PAX7: variants seen among roughly 807,000 people sequenced by gnomAD.
PAX7 encodes the protein paired box protein Pax-7.
A neutral mutation model predicts 50.7 loss-of-function variants in PAX7; 18 were observed. The ratio of observed to expected loss-of-function variants is 0.36; its 90% confidence interval spans 0.25 to 0.53. The LOEUF (loss-of-function observed/expected upper bound fraction) is 0.53. PAX7 is among the 20% of genes least tolerant of loss of function. The pLI is 0.93. For synonymous variants in PAX7, 310 were observed against 290.4 expected, an observed-to-expected ratio of 1.07 and a Z score of -0.69; for missense variants, 644 against 702.9, an observed-to-expected ratio of 0.92 and a Z score of 0.95.
At chr1:18,701,745 C>T (rs746070994) in intron 6 of PAX7, among the ~76,000 whole-genome samples, 6 of 152,146 alleles carry the variant, frequency 3.9e-5, no homozygotes, top group Non-Finnish European at 8.8e-5. Flanking sequence ...GGTCAGAGCC[C>T]TCAGGTCCTC....
chr1:18,747,693 A>T lies in PAX7; in HGVS notation c.*2764A>T, dbSNP rs562364193. 1 of 205,316 alleles carries T rather than the reference A, an allele frequency of 4.9e-6. No homozygotes were observed. Among genetic ancestry groups the T allele is most frequent in the African/African-American group, 2.3e-5 (1 of 43,810 alleles). The allele number at this position is 205,316 out of a possible 1,614,324, so 12.7% of individuals were successfully genotyped here. A position where few individuals can be genotyped will look rare whatever the true frequency, so the allele number is the denominator to read the frequency against. On this transcript the variant is annotated 3_prime_UTR_variant, in exon 9 of 9. Transcript: ENST00000420770. ...AAATAAGAGCTGCTTCCTCCAACTT[A>T]TCACAAGTCGCCGTTGGTCCTCTCT...
chr1:18,726,162 GTGTGTGT>G lies in PAX7; in HGVS notation c.1156-9469_1156-9463del, dbSNP rs2089569105. On this transcript the variant is annotated intron_variant, in intron 7 of 8. Coordinates refer to ENST00000420770, the MANE Select transcript of PAX7 (RefSeq NM_001135254.2). This position sits in a 1 kb window ranked among gnomAD's most constrained non-coding sequence, Gnocchi z 4.8. ...AGAGTGTGAGTGTGTGTGTGTGTGT[GTGTGTGT>G]GTGTGTGTGTCTTTGACTTCTTGGA... 6.6e-6 allele frequency among the ~76,000 whole-genome samples: 1 copy of G among 151,466 alleles called. No individual in the cohort carries two copies. Among genetic ancestry groups the G allele is most frequent in the Non-Finnish European group, 1.5e-5 (1 of 67,904 alleles).
chr1:18,727,371 TAC>T (rs56258552), intron 7 of PAX7, among the ~76,000 whole-genome samples: 7,457 of 133,950 alleles, frequency 0.056, 207 homozygotes, highest in South Asian at 0.12. Context: ...CTCTCTCTCA[TAC>T]ACACACACAC....
chr1:18,678,282 A>G (rs1239494427), intron 4 of PAX7, among the ~76,000 whole-genome samples: 2 of 151,920 alleles, frequency 1.3e-5, no homozygotes, highest in African/African-American at 2.4e-5. Flanking sequence ...ATGGTGGTGC[A>G]TGCCTACTCA....
At chr1:18,733,110 G>A (rs538994801) in intron 7 of PAX7, among the ~76,000 whole-genome samples, 16 of 151,746 alleles carry the variant, frequency 1.1e-4, no homozygotes, top group African/African-American at 3.9e-4. Flanking sequence ...CCCCAGGGTA[G>A]ACTCAGATTC....
intron 4 of PAX7, among the ~76,000 whole-genome samples, chr1:18,673,351 T>C (rs2236831): frequency 0.11 from 17,124 of 152,202 alleles, 1,146 homozygotes; most frequent in East Asian, 0.27. Flanking sequence ...TCTTCAGAAC[T>C]AAGAAGCCCA....
chr1:18,739,103 G>A (rs1930978189), intron 8 of PAX7, among the ~76,000 whole-genome samples: 2 of 152,168 alleles, frequency 1.3e-5, no homozygotes, highest in South Asian at 4.1e-4. Flanking sequence ...TCATCCCACA[G>A]GGCACTGGGC....
intron 4 of PAX7, among the ~76,000 whole-genome samples, chr1:18,682,295 A>C (rs964415380): frequency 6.6e-6 from 1 of 152,098 alleles, no homozygotes; most frequent in African/African-American, 2.4e-5. Context: ...CCTAGCCCCC[A>C]GGAGGCCTCT....
At chr1:18,682,783 G>A (rs918830319) in intron 4 of PAX7, among the ~76,000 whole-genome samples, 3 of 152,196 alleles carry the variant, frequency 2.0e-5, no homozygotes, top group African/African-American at 7.2e-5. Flanking sequence ...CTGGGAAGGG[G>A]AGAGAGGAGG....
chr1:18,647,860 C>T (rs1468893085), intron 4 of PAX7, among the ~76,000 whole-genome samples: 1 of 152,178 alleles, frequency 6.6e-6, no homozygotes, highest in Admixed American at 6.5e-5. Context: ...GGCAGATGCT[C>T]AGCCAAGTGC....
At chr1:18,682,994 C>T (rs1359818646) in intron 4 of PAX7, among the ~76,000 whole-genome samples, 1 of 152,142 alleles carries the variant, frequency 6.6e-6, no homozygotes, top group Non-Finnish European at 1.5e-5. Flanking sequence ...TCCCTGCTCA[C>T]CAGGACAGGG....
chr1:18,676,011 A>G (rs2088817012), intron 4 of PAX7, among the ~76,000 whole-genome samples: 1 of 152,194 alleles, frequency 6.6e-6, no homozygotes, highest in Non-Finnish European at 1.5e-5. Flanking sequence ...GGGTTGGGGC[A>G]TCTGCCTGAC....
chr1:18,669,276 G>C (rs760412061), intron 4 of PAX7, among the ~76,000 whole-genome samples: 26 of 152,208 alleles, frequency 1.7e-4, no homozygotes, highest in Non-Finnish European at 3.1e-4. Flanking sequence ...GGCAGCCTCT[G>C]GTTCCACATA....
chr1:18,655,270 A>T (rs1462822182), intron 4 of PAX7, among the ~76,000 whole-genome samples: 1 of 152,180 alleles, frequency 6.6e-6, no homozygotes, highest in Non-Finnish European at 1.5e-5. Flanking sequence ...CCAGCCCATG[A>T]CTACAGAGCT....
intron 6 of PAX7, among the ~76,000 whole-genome samples, chr1:18,702,059 G>A (rs111284217): frequency 5.3e-5 from 8 of 152,206 alleles, no homozygotes; most frequent in African/African-American, 1.4e-4. Flanking sequence ...TGGGCTGGGC[G>A]CAGTGGCTCA....
chr1:18,652,087 C>A (rs1218097865), intron 4 of PAX7, among the ~76,000 whole-genome samples: 1 of 151,976 alleles, frequency 6.6e-6, no homozygotes, highest in Non-Finnish European at 1.5e-5. Flanking sequence ...GCAAGAGAAT[C>A]CCGGGCAGCA....
chr1:18,674,105 T>C (rs373351581), intron 4 of PAX7, among the ~76,000 whole-genome samples: 1 of 152,266 alleles, frequency 6.6e-6, no homozygotes, highest in Non-Finnish European at 1.5e-5. Context: ...TCTGGCCATA[T>C]AGGAGGACGC....
At chr1:18,666,433 A>G (rs992317132) in intron 4 of PAX7, among the ~76,000 whole-genome samples, 6 of 152,204 alleles carry the variant, frequency 3.9e-5, no homozygotes, top group African/African-American at 1.2e-4. Context: ...GAGGTGGCAT[A>G]GTCCCTGCCA....
intron 4 of PAX7, among the ~76,000 whole-genome samples, chr1:18,645,668 C>T (rs536031776): frequency 1.8e-4 from 28 of 152,286 alleles, no homozygotes; most frequent in African/African-American, 6.3e-4. Flanking sequence ...TGTGTTTGTG[C>T]GGTGTGTTCT....
Sources: gnomAD v4.1 joint callset for allele counts (sites outside exome capture counted in the v4.1 genomes callset) on GRCh38, gnomAD v4.1.1 for gene constraint, Gnocchi (gnomAD v3.1) non-coding constraint, MANE v1.5 for transcripts, NCBI Gene and HGNC (gene_info 2026-07-23, HGNC 2026-07-21) for gene names.